Variants in SLC39A8 observed in about 807,000 individuals in gnomAD.
The protein encoded by SLC39A8 is solute carrier family 39 member 8.
SLC39A8 carries 15 observed loss-of-function variants against 40.4 expected under a neutral mutation model. That is an observed-to-expected ratio of 0.37 (90% CI 0.25 to 0.57). The LOEUF (loss-of-function observed/expected upper bound fraction) is 0.57, where lower values mean the gene tolerates loss of function less well. Among genes scored for constraint, SLC39A8 ranks in the 20% least tolerant of loss-of-function variants. SLC39A8 has a pLI of 0.75. For synonymous variants in SLC39A8, 223 were observed against 221.6 expected, an observed-to-expected ratio of 1.01 and a Z score of -0.06; for missense variants, 472 against 558.8, an observed-to-expected ratio of 0.84 and a Z score of 1.57.
intron 3 of SLC39A8, among the ~76,000 whole-genome samples, chr4:102,313,644 C>T (rs1233095091): frequency 6.6e-6 from 1 of 152,030 alleles, no homozygotes; most frequent in Non-Finnish European, 1.5e-5. Context: ...GGCTGGAGTA[C>T]AGTGGGGTAA....
Position 102,262,133 on chromosome 4 carries a change from A to T in SLC39A8, c.*911T>A. On this transcript the variant is annotated 3_prime_UTR_variant, in exon 9 of 9. Transcript: ENST00000356736. The stretch of plus-strand genomic sequence containing the variant: ...TACAGCAGTCCAGCTGTTGTTTTGC[A>T]TTTATTAAAATATTCTCTGCTAAAT... 2 of 985,848 alleles carry T rather than the reference A, an allele frequency of 2.0e-6. No individual in the cohort carries two copies. Among genetic ancestry groups the T allele is most frequent in the Non-Finnish European group, 2.4e-6 (2 of 829,796 alleles). The allele number at this position is 985,848 out of a possible 1,614,324, so 61.1% of individuals were successfully genotyped here. A position where few individuals can be genotyped will look rare whatever the true frequency, so the allele number is the denominator to read the frequency against.
At chr4:102,261,398 C>T (rs918912016), downstream of SLC39A8, among the ~76,000 whole-genome samples, 2 of 152,080 alleles carry the variant, frequency 1.3e-5, no homozygotes, top group Admixed American at 1.3e-4. Flanking sequence ...ATTAAAGAAA[C>T]CCTTTTAGAT....
At chr4:102,255,273 CA>C (rs1326326044) in intron 11 of SLC39A8, among the ~76,000 whole-genome samples, 1 of 152,080 alleles carries the variant, frequency 6.6e-6, no homozygotes. Flanking sequence ...AAACCCAAAT[CA>C]AATTAGTTAA....
chr4:102,340,098 A>T (rs1362085755), intron 2 of SLC39A8, among the ~76,000 whole-genome samples: 1 of 152,192 alleles, frequency 6.6e-6, no homozygotes, highest in African/African-American at 2.4e-5. Context: ...AATAGACTGT[A>T]AAGTCATGTG....
At chr4:102,267,367 G>T in intron 8 of SLC39A8, 123 bp downstream of exon 8, 1 of 816,448 alleles carries the variant, frequency 1.2e-6, no homozygotes, top group Non-Finnish European at 1.9e-6. Flanking sequence ...GGATTGTTCT[G>T]AATTACAACA....
chr4:102,337,665 A>G (rs1159205429), intron 2 of SLC39A8, among the ~76,000 whole-genome samples: 3 of 152,184 alleles, frequency 2.0e-5, no homozygotes, highest in African/African-American at 7.2e-5. Flanking sequence ...TAAGAATGCA[A>G]TTGCTTCAGA....
At chr4:102,303,718 A>G (rs566547618) in intron 6 of SLC39A8, among the ~76,000 whole-genome samples, 5 of 151,814 alleles carry the variant, frequency 3.3e-5, no homozygotes, top group African/African-American at 1.2e-4. Context: ...GATTTCTATC[A>G]CTTGAAACCA....
chr4:102,252,182 C>T (rs886496501), exon 12 of SLC39A8: 2 of 152,338 alleles, frequency 1.3e-5, no homozygotes, highest in African/African-American at 2.4e-5. Context: ...AATAATCAAA[C>T]ACTCTCTAAG....
intron 2 of SLC39A8, among the ~76,000 whole-genome samples, chr4:102,341,885 A>G (rs1485085015): frequency 5.3e-5 from 8 of 152,322 alleles, no homozygotes; most frequent in African/African-American, 1.9e-4. Flanking sequence ...TGAAAACTAA[A>G]TCTTGTAGAA....
intron 4 of SLC39A8, 129 bp from the exon 5 acceptor site, chr4:102,305,240 T>C: frequency 2.0e-6 from 2 of 982,814 alleles, no homozygotes; most frequent in Non-Finnish European, 2.9e-6. Context: ...ATTGGAAACT[T>C]AGCTGCCAAA....
intron 2 of SLC39A8, among the ~76,000 whole-genome samples, chr4:102,339,016 C>T (rs964973523): frequency 1.3e-5 from 2 of 152,258 alleles, no homozygotes; most frequent in Non-Finnish European, 2.9e-5. Context: ...GAATGAAAAG[C>T]ATTTTCCTAA....
intron 4 of SLC39A8, among the ~76,000 whole-genome samples, chr4:102,305,585 C>T (rs1170377262): frequency 6.6e-6 from 1 of 151,890 alleles, no homozygotes; most frequent in Non-Finnish European, 1.5e-5. Flanking sequence ...ACTGTTTTCC[C>T]AAGAGAAATC....
chr4:102,319,644 C>T (rs561211992), intron 2 of SLC39A8, among the ~76,000 whole-genome samples: 3 of 152,208 alleles, frequency 2.0e-5, no homozygotes, highest in African/African-American at 7.2e-5. Flanking sequence ...TACCCCTGCT[C>T]CTCCTTGGCT....
At chr4:102,296,849 C>A (rs1733698495) in intron 6 of SLC39A8, among the ~76,000 whole-genome samples, 2 of 152,028 alleles carry the variant, frequency 1.3e-5, no homozygotes, top group South Asian at 2.1e-4. Flanking sequence ...GGGGCTCCAG[C>A]GAAAAACCTG....
At chr4:102,274,832 A>G (rs1732543217) in intron 6 of SLC39A8, among the ~76,000 whole-genome samples, 1 of 152,226 alleles carries the variant, frequency 6.6e-6, no homozygotes, top group Non-Finnish European at 1.5e-5. Flanking sequence ...TCAACCCAGA[A>G]TTTCATATTC....
At chr4:102,303,017 A>T (rs1315671220) in intron 6 of SLC39A8, among the ~76,000 whole-genome samples, 5 of 151,968 alleles carry the variant, frequency 3.3e-5, no homozygotes, top group Admixed American at 6.6e-5. Context: ...GCATATGACC[A>T]ATCATGTTTT....
At chr4:102,294,063 T>C (rs187529311) in intron 6 of SLC39A8, among the ~76,000 whole-genome samples, 323 of 151,976 alleles carry the variant, frequency 2.1e-3, no homozygotes, top group Non-Finnish European at 2.9e-3. Flanking sequence ...AACTGGATCC[T>C]CATATACAAA....
downstream of SLC39A8, among the ~76,000 whole-genome samples, chr4:102,257,148 T>C (rs2148998822): frequency 6.6e-6 from 1 of 151,924 alleles, no homozygotes; most frequent in East Asian, 1.9e-4. Flanking sequence ...GGGGTTGGAT[T>C]TTCTATGTCT....
At chr4:102,282,262 GAC>G (rs1162808729) in intron 6 of SLC39A8, among the ~76,000 whole-genome samples, 1 of 152,136 alleles carries the variant, frequency 6.6e-6, no homozygotes, top group African/African-American at 2.4e-5. Context: ...AGTGTTTGTT[GAC>G]TAAATAAATG....
Sources: allele counts gnomAD v4.1 joint callset (sites outside exome capture counted in the v4.1 genomes callset), GRCh38; gene constraint gnomAD v4.1.1; transcripts MANE v1.5; gene names NCBI Gene and HGNC (gene_info 2026-07-23, HGNC 2026-07-21).